The following PIP4K2B variants were observed in gnomAD, a reference collection of about 807,000 sequenced individuals.
PIP4K2B encodes phosphatidylinositol-5-phosphate 4-kinase type 2 beta, also known as phosphatidylinositol 5-phosphate 4-kinase type-2 beta.
Under a neutral mutation model 42.0 loss-of-function variants are expected in PIP4K2B, and 3 were observed. The ratio of observed to expected loss-of-function variants is 0.07; its 90% CI spans 0.03 to 0.18. The LOEUF (loss-of-function observed/expected upper bound fraction) is 0.18, where lower values mean the gene tolerates loss of function less well. Among genes scored for constraint, PIP4K2B ranks in the 10% least tolerant of loss-of-function variants. The pLI is 1.00. For synonymous variants in PIP4K2B, 204 were observed against 210.1 expected, an observed-to-expected ratio of 0.97 and a Z score of 0.25; for missense variants, 332 against 562.3, an observed-to-expected ratio of 0.59 and a Z score of 4.14.
At chr17:38,788,918 C>T (rs1910190959) in intron 1 of PIP4K2B, among the ~76,000 whole-genome samples, 1 of 150,534 alleles carries the variant, frequency 6.6e-6, no homozygotes, top group African/African-American at 2.5e-5. Context: ...GCGCCACTGC[C>T]TGGGCAACAA....
intron 3 of PIP4K2B, among the ~76,000 whole-genome samples, chr17:38,784,014 T>A (rs1254155381): frequency 3.9e-5 from 6 of 152,092 alleles, no homozygotes; most frequent in Admixed American, 2.0e-4. Flanking sequence ...CTGCCCTCCC[T>A]CTGAGGGAGA....
intron 2 of PIP4K2B, 79 bp from the exon 3 acceptor site, chr17:38,784,418 TAGAGAC>T (rs1309098093): frequency 5.0e-6 from 4 of 806,878 alleles, no homozygotes; most frequent in Non-Finnish European, 8.0e-6. Flanking sequence ...TTTTTTGTAA[TAGAGAC>T]AGAGTCTTGC....
At chr17:38,779,994 G>GCCATAACTCCT (rs1251460845) in intron 4 of PIP4K2B, 61 of 179,172 alleles carry the variant, frequency 3.4e-4, no homozygotes, top group African/African-American at 1.4e-3. Context: ...CAGGGTTTCT[G>GCCATAACTCCT]CCATAACTCC....
intron 1 of PIP4K2B, among the ~76,000 whole-genome samples, chr17:38,798,345 T>A (rs1452752594): frequency 1.3e-5 from 2 of 152,100 alleles, no homozygotes; most frequent in African/African-American, 4.8e-5. Flanking sequence ...AGAGGGAGAA[T>A]AAAGACCCTG....
chr17:38,790,499 C>T (rs1020910633), intron 1 of PIP4K2B, among the ~76,000 whole-genome samples: 12 of 152,194 alleles, frequency 7.9e-5, no homozygotes, highest in African/African-American at 2.2e-4. Context: ...TGCTCTGTTG[C>T]CCAGGCTGGA....
chr17:38,799,464 C>T lies in PIP4K2B; in HGVS notation c.-40G>A, dbSNP rs1910843173. ...CGGCGGCGGCGAAAGAGGGGGGCGG[C>T]GGAGACAGCGCACAAGCCAGCGGCC... On this transcript the variant is annotated 5_prime_UTR_variant, in exon 1 of 10. Transcript: ENST00000619039. The surrounding 1 kb of genome is among the most constrained non-coding windows in gnomAD (Gnocchi z 4.4). The T allele has an allele frequency of 6.6e-7, 1 of 1,520,774 alleles. No homozygotes were observed. Among genetic ancestry groups the T allele is most frequent in the Non-Finnish European group, 8.8e-7 (1 of 1,142,158 alleles). 94.2% of individuals were successfully genotyped at this position (1,520,774 alleles called of 1,614,324 possible). A position where few individuals can be genotyped will look rare whatever the true frequency, so the allele number is the denominator to read the frequency against.
chr17:38,795,763 A>G (rs527579796), intron 1 of PIP4K2B, among the ~76,000 whole-genome samples: 2 of 152,058 alleles, frequency 1.3e-5, no homozygotes, highest in South Asian at 4.2e-4. Context: ...GAAAAAAAAA[A>G]AAAGAAAAGA....
In PIP4K2B at chr17:38,799,365, C is replaced by T. The variant is rs954920516; in HGVS notation, c.60G>A (p.Lys20=). The T allele has an allele frequency of 3.1e-6, 5 of 1,609,486 alleles. No individual in the cohort carries two copies. The highest frequency in any genetic ancestry group is 4.2e-6 in the Non-Finnish European group (5 of 1,178,646). Residue 20 remains lysine (K), a synonymous_variant, in exon 1 of 10, where the codon AAG becomes AAA. Coordinates refer to ENST00000619039, the MANE Select transcript of PIP4K2B (RefSeq NM_003559.5). The surrounding 1 kb of genome is among the most constrained non-coding windows in gnomAD (Gnocchi z 4.4). ...AVAVAPLSAS[K]TKTKKKHFVC... ...CGAAATGCTTCTTCTTGGTCTTGGT[C>T]TTGCTGGCGCTGAGCGGCGCCACCG...
chr17:38,771,190 T>G lies in PIP4K2B; in HGVS notation c.890A>C (p.Glu297Ala), dbSNP rs760989377. The change falls in exon 8 of 10, where the codon GAG (glutamate) becomes GCG (alanine). Residue 297 changes from glutamate to alanine, a missense_variant. This residue lies in a region of PIP4K2B where 15 missense variants were observed against 45.2 expected (regional missense o/e 0.33). Transcript: ENST00000619039. ...CTCGTCCTCTGCCCGCTCCTCCACCTCCATCTCCTCCTGCTCTGCCCGGTC... is the reference window on the plus strand; with the variant it reads ...CTCGTCCTCTGCCCGCTCCTCCACCGCCATCTCCTCCTGCTCTGCCCGGTC... ...DVDRAEQEEM[E>A]VEERAEDEEC... 5.0e-6 allele frequency: 8 copies of G among 1,613,976 alleles called. No individual in the cohort carries two copies. The highest frequency in any genetic ancestry group is 6.8e-6 in the Non-Finnish European group (8 of 1,179,968).
intron 1 of PIP4K2B, among the ~76,000 whole-genome samples, chr17:38,790,061 C>T (rs187345123): frequency 9.3e-4 from 142 of 152,208 alleles, no homozygotes; most frequent in African/African-American, 3.1e-3. Context: ...TGCTGAAATT[C>T]ATCAAATTGT....
intron 2 of PIP4K2B, among the ~76,000 whole-genome samples, chr17:38,785,214 C>A (rs1008658294): frequency 2.0e-5 from 3 of 152,240 alleles, no homozygotes; most frequent in Non-Finnish European, 4.4e-5. Flanking sequence ...TCCATCTTTA[C>A]AACAGCTATC....
intron 1 of PIP4K2B, among the ~76,000 whole-genome samples, chr17:38,796,698 T>C (rs903359735): frequency 3.3e-5 from 5 of 152,154 alleles, no homozygotes; most frequent in African/African-American, 1.2e-4. Flanking sequence ...AATCACCTCA[T>C]GAAAGGGTAA....
intron 1 of PIP4K2B, among the ~76,000 whole-genome samples, chr17:38,790,125 T>C (rs1910266713): frequency 6.6e-6 from 1 of 152,162 alleles, no homozygotes; most frequent in African/African-American, 2.4e-5. Flanking sequence ...ATAAAGTTGA[T>C]TTTTAAATTC....
rs1171844765 is a variant in PIP4K2B at position 38,786,811 on chromosome 17, T to C, written c.257+12A>G. 6.4e-7 allele frequency: 1 copy of C among 1,562,850 alleles called. No individual in the cohort carries two copies. The highest frequency in any genetic ancestry group is 8.8e-7 in the Non-Finnish European group (1 of 1,133,242). On this transcript the variant is annotated intron_variant, in intron 2 of 9. Coordinates refer to ENST00000619039, the MANE Select transcript of PIP4K2B (RefSeq NM_003559.5). ...GCCCACAAAACCTGAGTCCACTCAG[T>C]AGACAACTTACTTATTGAAGAGATG...
chr17:38,767,843 C>A lies in PIP4K2B; in HGVS notation c.*1848G>T, dbSNP rs1908783828. On this transcript the variant is annotated 3_prime_UTR_variant, in exon 10 of 10. Coordinates refer to ENST00000619039, the MANE Select transcript of PIP4K2B (RefSeq NM_003559.5). ...GTTTTCTCCATGAGCCAGTTGGTTT[C>A]AAGTTCCCTAAGTCATGTAGTGGTC... is the stretch of plus-strand genomic sequence containing the variant. 1 of 152,244 alleles carries A rather than the reference C, an allele frequency of 6.6e-6. No homozygotes were observed. Among genetic ancestry groups the A allele is most frequent in the Non-Finnish European group, 1.5e-5 (1 of 68,054 alleles). 9.4% of individuals were successfully genotyped at this position (152,244 alleles called of 1,614,324 possible). A position where few individuals can be genotyped will look rare whatever the true frequency, so the allele number is the denominator to read the frequency against.
At chr17:38,791,443 C>G (rs1200787059) in intron 1 of PIP4K2B, among the ~76,000 whole-genome samples, 1 of 91,482 alleles carries the variant, frequency 1.1e-5, no homozygotes, top group Non-Finnish European at 2.0e-5. Flanking sequence ...TGAGATAGAG[C>G]TTTGCTCTGG....
intron 6 of PIP4K2B, among the ~76,000 whole-genome samples, chr17:38,778,125 G>A (rs748961590): frequency 1.2e-4 from 18 of 152,230 alleles, no homozygotes; most frequent in Non-Finnish European, 2.1e-4. Flanking sequence ...TATGAAGAAC[G>A]TAGTGAGGGC....
At chr17:38,790,186 CA>C (rs754269940) in intron 1 of PIP4K2B, among the ~76,000 whole-genome samples, 1 of 151,452 alleles carries the variant, frequency 6.6e-6, no homozygotes, top group African/African-American at 2.4e-5. Flanking sequence ...TCCCAATAGC[CA>C]AAAAAAACCC....
At position 38,799,521 on chromosome 17, in the gene PIP4K2B, G is replaced by A; in HGVS notation, c.-97C>T. On this transcript the variant is annotated 5_prime_UTR_variant, in exon 1 of 10. Coordinates refer to ENST00000619039, the MANE Select transcript of PIP4K2B (RefSeq NM_003559.5). This position sits in a 1 kb window ranked among gnomAD's most constrained non-coding sequence, Gnocchi z 4.4. ...CTCCCCCGGACCGATCCCCACCCCC[G>A]CTCCCTCACCGCGCCATGGTCGCGC... is the stretch of plus-strand genomic sequence containing the variant. 2 of 1,188,444 alleles carry A rather than the reference G, an allele frequency of 1.7e-6. No homozygotes were observed. The highest frequency in any genetic ancestry group is 4.9e-5 in the Admixed American group (1 of 20,356). The allele number at this position is 1,188,444 out of a possible 1,614,324, so 73.6% of individuals were successfully genotyped here.
Sources: allele counts gnomAD v4.1 joint callset (sites outside exome capture counted in the v4.1 genomes callset), GRCh38; gene constraint gnomAD v4.1.1; regional missense constraint gnomAD v4.1.1; non-coding constraint Gnocchi (gnomAD v3.1); transcripts MANE v1.5; gene names NCBI Gene and HGNC (gene_info 2026-07-23, HGNC 2026-07-21).